Variants in EPHA6 observed in about 807,000 individuals in gnomAD.
EPHA6 encodes EPH receptor A6, also known as ephrin type-A receptor 6.
EPHA6 carries 50 observed loss-of-function variants against 112.0 expected under a neutral mutation model. That is an observed-to-expected ratio of 0.45 (90% CI 0.36 to 0.56). The LOEUF (loss-of-function observed/expected upper bound fraction) is 0.56. EPHA6 is among the 20% of genes least tolerant of loss of function. The pLI, the probability that EPHA6 is intolerant of heterozygous loss-of-function variation, is 0.00. For missense variants in EPHA6, 1,280 were observed against 1,417.4 expected (o/e 0.90, Z 1.56); for synonymous variants, 529 against 490.7 (o/e 1.08, Z -1.03).
intron 14 of EPHA6, among the ~76,000 whole-genome samples, chr3:97,676,318 C>G (rs1009214986): frequency 2.6e-5 from 4 of 151,928 alleles, no homozygotes; most frequent in Admixed American, 2.6e-4. Flanking sequence ...GTCATGGGAT[C>G]CAAGTGAAGG....
At chr3:96,844,046 T>C (rs960361989) in intron 1 of EPHA6, among the ~76,000 whole-genome samples, 3 of 152,014 alleles carry the variant, frequency 2.0e-5, no homozygotes, top group Non-Finnish European at 4.4e-5. Context: ...CTTAACACAG[T>C]TCCCATCTAG....
In EPHA6 at chr3:96,947,889, A is replaced by G. The variant is rs1008884128; in HGVS notation, c.451-39441A>G. Reference sequence around the variant, plus strand: ...CCAATGACTTTCTTCACAGAATTGGAAAAAACTACTTTAAAGTTCATATAG... The same window carrying G: ...CCAATGACTTTCTTCACAGAATTGGGAAAAACTACTTTAAAGTTCATATAG... On this transcript the variant is annotated intron_variant, in intron 2 of 17. Coordinates refer to ENST00000389672, the MANE Select transcript of EPHA6 (RefSeq NM_001080448.3). Among the ~76,000 whole-genome samples, 3 of 152,154 alleles carry G rather than the reference A, an allele frequency of 2.0e-5. No individual in the cohort carries two copies. The South Asian group carries it at 6.2e-4, about 31-fold the overall frequency.
In EPHA6 at chr3:97,093,225, T is replaced by A. The variant is rs541351740; in HGVS notation, c.1114+105232T>A. On this transcript the variant is annotated intron_variant, in intron 3 of 17. Transcript: ENST00000389672. ...AAGCTAACTGTATGACTTTAAAAAC[T>A]GAAATTCTATCATTCTGATTCCTGA... Among the ~76,000 whole-genome samples, 5 of 152,258 alleles carry A rather than the reference T, an allele frequency of 3.3e-5. No homozygotes were observed. In the East Asian group the frequency reaches 9.7e-4, roughly 29 times the overall value.
intron 13 of EPHA6, among the ~76,000 whole-genome samples, chr3:97,619,334 T>C (rs948014314): frequency 1.3e-5 from 2 of 150,630 alleles, no homozygotes; most frequent in South Asian, 2.1e-4. Flanking sequence ...GCTGGAAACA[T>C]TGCCCTTGAA....
At chr3:97,077,919 T>C (rs1180205563) in intron 3 of EPHA6, among the ~76,000 whole-genome samples, 5 of 152,212 alleles carry the variant, frequency 3.3e-5, no homozygotes, top group Admixed American at 6.5e-5. Context: ...AGTAATGGGA[T>C]TGCTGGGCCA....
chr3:97,675,017 ACAT>A (rs2031227981), intron 14 of EPHA6, among the ~76,000 whole-genome samples: 1 of 152,180 alleles, frequency 6.6e-6, no homozygotes, highest in African/African-American at 2.4e-5. Context: ...GATGAAAATA[ACAT>A]CTAAGGGGCC....
At chr3:96,904,273 A>G (rs1271918106) in intron 2 of EPHA6, among the ~76,000 whole-genome samples, 1 of 151,970 alleles carries the variant, frequency 6.6e-6, no homozygotes, top group Admixed American at 6.6e-5. Context: ...AATACTATGC[A>G]GTGATAAAAA....
chr3:97,530,244 T>C (rs1051340651), intron 10 of EPHA6, among the ~76,000 whole-genome samples: 1 of 151,954 alleles, frequency 6.6e-6, no homozygotes, highest in Non-Finnish European at 1.5e-5. Flanking sequence ...AGTTTCAGGG[T>C]CTCAATAGAA....
At chr3:97,452,568 C>T (rs2090562661) in intron 7 of EPHA6, among the ~76,000 whole-genome samples, 1 of 151,534 alleles carries the variant, frequency 6.6e-6, no homozygotes, top group Admixed American at 6.6e-5. Context: ...TACTTGATTG[C>T]CCCCTTCCTT....
chr3:97,311,655 T>G (rs1040639098), intron 5 of EPHA6, among the ~76,000 whole-genome samples: 4 of 151,812 alleles, frequency 2.6e-5, no homozygotes, highest in Admixed American at 2.0e-4. Context: ...TTATCTTTCC[T>G]CATTCAATAC....
chr3:97,369,757 T>C (rs1226435431), intron 5 of EPHA6, among the ~76,000 whole-genome samples: 1 of 152,198 alleles, frequency 6.6e-6, no homozygotes, highest in Non-Finnish European at 1.5e-5. Context: ...TGATAATCAA[T>C]ATATGTCCTT....
At chr3:97,678,337 T>C (rs1362255602) in intron 14 of EPHA6, among the ~76,000 whole-genome samples, 2 of 152,136 alleles carry the variant, frequency 1.3e-5, no homozygotes, top group Admixed American at 1.3e-4. Flanking sequence ...AACAAAACTT[T>C]AGGGAAAAGA....
intron 2 of EPHA6, among the ~76,000 whole-genome samples, chr3:96,877,170 T>G (rs996294490): frequency 6.6e-6 from 1 of 152,140 alleles, no homozygotes; most frequent in Admixed American, 6.6e-5. Context: ...ATACTAACTT[T>G]GGGCAGAATC....
intron 10 of EPHA6, among the ~76,000 whole-genome samples, chr3:97,489,465 C>CACG (rs2091781004): frequency 6.6e-6 from 1 of 152,114 alleles, no homozygotes; most frequent in African/African-American, 2.4e-5. Context: ...GCGGGTGGAT[C>CACG]ACGAGGTCAG....
intron 2 of EPHA6, among the ~76,000 whole-genome samples, chr3:96,960,067 G>A (rs1012034098): frequency 1.3e-5 from 2 of 152,148 alleles, no homozygotes; most frequent in Admixed American, 6.5e-5. Context: ...ATGCAAGTAC[G>A]AGTAATGTCT....
chr3:97,337,923 G>A (rs1228626826), intron 5 of EPHA6, among the ~76,000 whole-genome samples: 1 of 152,092 alleles, frequency 6.6e-6, no homozygotes, highest in Admixed American at 6.6e-5. Context: ...CTAAGCCAGG[G>A]AAGACTAGCA....
At chr3:96,932,993 CAG>C (rs1338908294) in intron 2 of EPHA6, among the ~76,000 whole-genome samples, 6 of 151,976 alleles carry the variant, frequency 3.9e-5, no homozygotes, top group African/African-American at 1.5e-4. Flanking sequence ...GTACAGGGTG[CAG>C]AGTCTATGTG....
At chr3:97,648,423 G>A (rs2094083672) in intron 14 of EPHA6, 1 of 1,476,446 alleles carries the variant, frequency 6.8e-7, no homozygotes, top group East Asian at 2.5e-5. Flanking sequence ...GCAGCATGAG[G>A]GGAAGGTATT....
At chr3:97,720,631 CAT>C (rs1401155126) in intron 15 of EPHA6, among the ~76,000 whole-genome samples, 1 of 152,192 alleles carries the variant, frequency 6.6e-6, no homozygotes, top group Non-Finnish European at 1.5e-5. Flanking sequence ...GCCTGATGCA[CAT>C]GTTACATCTC....
Sources: allele counts gnomAD v4.1 joint callset (sites outside exome capture counted in the v4.1 genomes callset), GRCh38; gene constraint gnomAD v4.1.1; transcripts MANE v1.5; gene names NCBI Gene and HGNC (gene_info 2026-07-23, HGNC 2026-07-21).